The following JMY variants were observed in gnomAD, a reference collection of about 807,000 sequenced individuals.
JMY encodes junction-mediating and -regulatory protein.
A neutral mutation model predicts 103.3 loss-of-function variants in JMY; 46 were observed. The observed-to-expected ratio is 0.45, with a 90% confidence interval of 0.35 to 0.57. The LOEUF is 0.57. JMY is among the 20% of genes least tolerant of loss of function. The probability of loss-of-function intolerance (pLI) is 0.00; values close to 1 mark genes in which losing one functional copy is unlikely to be tolerated. For missense variants in JMY, 1,238 were observed against 1,255.2 expected, an observed-to-expected ratio of 0.99 and a Z score of 0.21; for synonymous variants, 526 against 489.3, an observed-to-expected ratio of 1.07 and a Z score of -0.99.
chr5:79,241,427 G>C (rs2112041396), intron 1 of JMY, among the ~76,000 whole-genome samples: 1 of 152,304 alleles, frequency 6.6e-6, no homozygotes, highest in East Asian at 1.9e-4. Context: ...TTTATAAATT[G>C]ATAAGTGTAA....
chr5:79,270,257 G>A (rs2112075752), intron 1 of JMY, among the ~76,000 whole-genome samples: 1 of 147,822 alleles, frequency 6.8e-6, no homozygotes, highest in African/African-American at 2.5e-5. Context: ...AAATATAAAT[G>A]CATATATAAA....
chr5:79,248,283 C>G (rs1031132484), intron 1 of JMY, among the ~76,000 whole-genome samples: 2 of 151,076 alleles, frequency 1.3e-5, no homozygotes, highest in Non-Finnish European at 2.9e-5. Flanking sequence ...TTAAATAGTC[C>G]ATAACATTGA....
rs1248472640 is a variant in JMY, at chr5:79,236,824, C to T, written c.174C>T (p.Ser58=). Residue 58 remains serine, a synonymous_variant, in exon 1 of 11, where the codon TCC becomes TCT. Transcript: ENST00000396137. Reference sequence around the variant, plus strand: ...CGGCCCAGAGGCAGAGGAGCGGCTCCCGGGAGCAAGCGGGGGCGCGAGGGG... The same window carrying T: ...CGGCCCAGAGGCAGAGGAGCGGCTCTCGGGAGCAAGCGGGGGCGCGAGGGG... The part of the protein sequence containing the change: ...NRTAQRQRSG[S]REQAGARGGA... 6.8e-7 allele frequency: 1 copy of T among 1,469,166 alleles called. No homozygotes were observed. Among genetic ancestry groups the T allele is most frequent in the Non-Finnish European group, 9.0e-7 (1 of 1,105,684 alleles). The allele number at this position is 1,469,166 out of a possible 1,614,324, so 91.0% of individuals were successfully genotyped here. A position where few individuals can be genotyped will look rare whatever the true frequency, so the allele number is the denominator to read the frequency against.
Position 79,300,212 on chromosome 5 carries a change from T to A in JMY, c.1587T>A (p.Asp529Glu), listed in dbSNP as rs376309266. 30 of 1,611,680 alleles carry A rather than the reference T, an allele frequency of 1.9e-5. No individual in the cohort carries two copies. Among genetic ancestry groups the A allele is most frequent in the Non-Finnish European group, 2.3e-5 (27 of 1,178,914 alleles). Residue 529 changes from aspartate (D) to glutamate (E), a missense_variant, in exon 5 of 11, where the codon GAT (aspartate) becomes GAA (glutamate). Physicochemically the swap from Asp to Glu is conservative, Grantham distance 45. Transcript: ENST00000396137. ...CACGATTGGATCAGTTAGAAGCTGA[T>A]TATTATGATCTGCAACTTCAGTTGT... ...AIARLDQLEA[D>E]YYDLQLQLYE...
At chr5:79,243,239 G>C (rs1744795130) in intron 1 of JMY, among the ~76,000 whole-genome samples, 3 of 152,022 alleles carry the variant, frequency 2.0e-5, no homozygotes. Context: ...GATACCTTTG[G>C]GTCCTTAGAA....
intron 1 of JMY, among the ~76,000 whole-genome samples, chr5:79,252,670 C>G (rs971340262): frequency 6.6e-6 from 1 of 152,160 alleles, no homozygotes; most frequent in Non-Finnish European, 1.5e-5. Flanking sequence ...TTTAAAATTG[C>G]TATACCCTCT....
chr5:79,292,405 C>T (rs1746447644), intron 4 of JMY, among the ~76,000 whole-genome samples: 2 of 152,062 alleles, frequency 1.3e-5, no homozygotes. Flanking sequence ...CAGCCCTGAC[C>T]TCTTGGGGCT....
chr5:79,250,445 T>C (rs924349918), intron 1 of JMY, among the ~76,000 whole-genome samples: 4 of 152,340 alleles, frequency 2.6e-5, no homozygotes, highest in Admixed American at 2.6e-4. Flanking sequence ...CATTTTTTTC[T>C]GTATTTACCT....
chr5:79,326,559 T>C lies in JMY; in HGVS notation c.*4957T>C, dbSNP rs558605070. Reference sequence around the variant, plus strand: ...CTTTGACAGAATCTCCATTGTTTCATTGAATTTCTCATTGTATTATATGTC... The same window carrying C: ...CTTTGACAGAATCTCCATTGTTTCACTGAATTTCTCATTGTATTATATGTC... On this transcript the variant is annotated 3_prime_UTR_variant, in exon 11 of 11. Coordinates refer to ENST00000396137, the MANE Select transcript of JMY (RefSeq NM_152405.5). The C allele has an allele frequency of 1.3e-5, 2 of 152,204 alleles. No homozygotes were observed. The highest frequency in any genetic ancestry group is 2.9e-5 in the Non-Finnish European group (2 of 68,020). The allele number at this position is 152,204 out of a possible 1,614,324, so 9.4% of individuals were successfully genotyped here. A position where few individuals can be genotyped will look rare whatever the true frequency, so the allele number is the denominator to read the frequency against.
intron 2 of JMY, among the ~76,000 whole-genome samples, chr5:79,286,855 G>A (rs576524016): frequency 1.3e-5 from 2 of 152,212 alleles, no homozygotes; most frequent in East Asian, 1.9e-4. Flanking sequence ...TGTTAATTAG[G>A]TATAAAGTTG....
intron 1 of JMY, among the ~76,000 whole-genome samples, chr5:79,274,262 G>T (rs1203250632): frequency 1.3e-5 from 2 of 151,958 alleles, no homozygotes; most frequent in Non-Finnish European, 2.9e-5. Context: ...GAGATTTCCT[G>T]TTTATTCTTG....
At chr5:79,284,961 A>G in intron 2 of JMY, 1 of 1,296,862 alleles carries the variant, frequency 7.7e-7, no homozygotes, top group Non-Finnish European at 1.1e-6. Context: ...TTCAAATGAA[A>G]GTAAAATGAA....
chr5:79,261,099 G>C (rs1184223617), intron 1 of JMY, among the ~76,000 whole-genome samples: 1 of 152,122 alleles, frequency 6.6e-6, no homozygotes, highest in Non-Finnish European at 1.5e-5. Flanking sequence ...GTTAAGCTGG[G>C]AACTGGGTCA....
intron 2 of JMY, among the ~76,000 whole-genome samples, chr5:79,283,271 G>A (rs560385380): frequency 3.4e-4 from 52 of 152,150 alleles, no homozygotes; most frequent in African/African-American, 1.2e-3. Flanking sequence ...TTACAGGTGT[G>A]AGCCACTGCA....
chr5:79,277,776 T>G, intron 1 of JMY, 134 bp from the exon 2 acceptor site: 1 of 633,288 alleles, frequency 1.6e-6, no homozygotes, highest in Non-Finnish European at 2.6e-6. Flanking sequence ...TGAAAAGCAG[T>G]CAATGCTTTT....
At chr5:79,314,122 G>A (rs1407799507) in intron 8 of JMY, 135 bp from the exon 9 acceptor site, 16 of 1,407,766 alleles carry the variant, frequency 1.1e-5, no homozygotes, top group African/African-American at 1.4e-5. Context: ...GCCTCCCAAA[G>A]TGCTGGGATT....
chr5:79,310,057 C>CTTTTTTTTTTT lies in JMY; in HGVS notation c.1969-2330_1969-2320dup, dbSNP rs55994052. On this transcript the variant is annotated intron_variant, in intron 7 of 10. Coordinates refer to ENST00000396137, the MANE Select transcript of JMY (RefSeq NM_152405.5). ...TAGTAAATCGATTATCTTTCTTTTC[C>CTTTTTTTTTTT]TTTTTTTTTTTTTTTTTTTTTTTTT... 4.1e-5 allele frequency among the ~76,000 whole-genome samples: 3 copies of CTTTTTTTTTTT among 73,666 alleles called. 1 individual carries two copies. Among genetic ancestry groups the CTTTTTTTTTTT allele is most frequent in the African/African-American group, 6.5e-5 (1 of 15,482 alleles). The allele number at this position is 73,666 out of a possible 152,430, so 48.3% of individuals were successfully genotyped here. A position where few individuals can be genotyped will look rare whatever the true frequency, so the allele number is the denominator to read the frequency against.
Position 79,326,827 on chromosome 5 carries a change from T to C in JMY, c.*5225T>C, listed in dbSNP as rs567423419. The C allele has an allele frequency of 6.6e-6, 1 of 152,350 alleles. No individual in the cohort carries two copies. Among genetic ancestry groups the C allele is most frequent in the East Asian group, 1.9e-4 (1 of 5,188 alleles). 9.4% of individuals were successfully genotyped at this position (152,350 alleles called of 1,614,324 possible). A position where few individuals can be genotyped will look rare whatever the true frequency, so the allele number is the denominator to read the frequency against. Reference sequence around the variant, plus strand: ...GCTTGGCTTGTAAGGATGGCTTTAGTACCATTACATTAAATGGACAGTGTG... The same window carrying C: ...GCTTGGCTTGTAAGGATGGCTTTAGCACCATTACATTAAATGGACAGTGTG... On this transcript the variant is annotated 3_prime_UTR_variant, in exon 11 of 11. Coordinates refer to ENST00000396137, the MANE Select transcript of JMY (RefSeq NM_152405.5).
At chr5:79,303,316 G>C (rs1746792231) in intron 6 of JMY, among the ~76,000 whole-genome samples, 1 of 152,134 alleles carries the variant, frequency 6.6e-6, no homozygotes, top group African/African-American at 2.4e-5. Context: ...GCAATCCTCA[G>C]CCTCCCAAAG....
Sources: gnomAD v4.1 joint callset for allele counts (sites outside exome capture counted in the v4.1 genomes callset) on GRCh38, gnomAD v4.1.1 for gene constraint, MANE v1.5 for transcripts, NCBI Gene and HGNC (gene_info 2026-07-23, HGNC 2026-07-21) for gene names.